The following KIAA1217 variants were observed in gnomAD, a reference collection of about 807,000 sequenced individuals.
KIAA1217 encodes the protein sickle tail protein homolog.
A neutral mutation model predicts 163.9 loss-of-function variants in KIAA1217; 88 were observed. The observed-to-expected ratio is 0.54, with a 90% CI of 0.45 to 0.64. The LOEUF (loss-of-function observed/expected upper bound fraction) is 0.64, where lower values mean the gene tolerates loss of function less well. Among genes scored for constraint, KIAA1217 ranks in the 30% least tolerant of loss-of-function variants. The pLI, the probability that KIAA1217 is intolerant of heterozygous loss-of-function variation, is 0.00. For missense variants in KIAA1217, 2,372 were observed against 2,475.0 expected, an observed-to-expected ratio of 0.96 and a Z score of 0.88; for synonymous variants, 903 against 923.1, an observed-to-expected ratio of 0.98 and a Z score of 0.39.
At chr10:24,038,953 A>G (rs910016693) in intron 2 of KIAA1217, among the ~76,000 whole-genome samples, 1 of 152,092 alleles carries the variant, frequency 6.6e-6, no homozygotes, top group Non-Finnish European at 1.5e-5. Context: ...CATGTTGGCC[A>G]GGCTGGTCTC....
intron 1 of KIAA1217, among the ~76,000 whole-genome samples, chr10:23,776,109 A>G (rs1834996908): frequency 6.6e-6 from 1 of 152,174 alleles, no homozygotes; most frequent in Admixed American, 6.5e-5. Flanking sequence ...GAGGAATTAC[A>G]TTGGATCAGT....
intron 2 of KIAA1217, among the ~76,000 whole-genome samples, chr10:24,138,191 T>C (rs1479397744): frequency 6.6e-6 from 1 of 152,194 alleles, no homozygotes; most frequent in Non-Finnish European, 1.5e-5. Flanking sequence ...TCTTTCTCTG[T>C]CACTCAGGCT....
chr10:24,312,426 G>A (rs2042820941), intron 2 of KIAA1217, among the ~76,000 whole-genome samples: 1 of 152,160 alleles, frequency 6.6e-6, no homozygotes, highest in Non-Finnish European at 1.5e-5. Context: ...GATCAGCCTG[G>A]GCAAGATGGT....
chr10:24,479,971 C>A (rs753916507), intron 6 of KIAA1217, among the ~76,000 whole-genome samples: 5 of 152,174 alleles, frequency 3.3e-5, no homozygotes, highest in Non-Finnish European at 7.3e-5. Flanking sequence ...TCCACTAGGC[C>A]CCACCTCCCA....
At chr10:23,709,783 T>TTA (rs1554775389) in intron 1 of KIAA1217, among the ~76,000 whole-genome samples, 8 of 152,270 alleles carry the variant, frequency 5.3e-5, no homozygotes, top group South Asian at 2.1e-4. Context: ...AACTCGGAGA[T>TTA]ACAAAGCCTA....
chr10:23,999,250 A>G (rs1390605744), intron 1 of KIAA1217, among the ~76,000 whole-genome samples: 1 of 152,206 alleles, frequency 6.6e-6, no homozygotes, highest in Non-Finnish European at 1.5e-5. Context: ...AACAGGGTGA[A>G]ACCTGTGTGT....
chr10:23,980,225 C>T (rs1340515721), intron 1 of KIAA1217, among the ~76,000 whole-genome samples: 5 of 152,166 alleles, frequency 3.3e-5, no homozygotes, highest in African/African-American at 1.2e-4. Flanking sequence ...CACTCTCAAA[C>T]ATGCTTGACT....
chr10:23,818,003 A>ATC (rs1837407986), intron 1 of KIAA1217, among the ~76,000 whole-genome samples: 1 of 127,418 alleles, frequency 7.8e-6, no homozygotes, highest in Non-Finnish European at 1.6e-5. Context: ...ATATATATAT[A>ATC]TATATACACA....
chr10:24,479,892 A>C (rs1037309841), intron 6 of KIAA1217, among the ~76,000 whole-genome samples: 2 of 152,198 alleles, frequency 1.3e-5, no homozygotes, highest in African/African-American at 4.8e-5. Flanking sequence ...GAGAGCAAGA[A>C]ATCACTCACT....
rs572330758 is a variant in KIAA1217, at chr10:23,975,425, C to G, written c.-320-31800C>G. The stretch of plus-strand genomic sequence containing the variant: ...CAGGAGCTTCTTCCAAATTTTTCTT[C>G]CTAACCTTCAAACTAAATGAGAAAC... On this transcript the variant is annotated intron_variant, in intron 1 of 18. Transcript: ENST00000376462. Among the ~76,000 whole-genome samples the G allele has an allele frequency of 3.3e-4, 51 of 152,296 alleles. No individual in the cohort carries two copies. The South Asian group carries it at 9.8e-3, about 29-fold the overall frequency.
intron 1 of KIAA1217, among the ~76,000 whole-genome samples, chr10:23,967,156 T>A (rs1232013035): frequency 2.0e-5 from 3 of 152,130 alleles, no homozygotes; most frequent in African/African-American, 7.2e-5. Flanking sequence ...TAGAAAATGA[T>A]AATCATAAAA....
intron 1 of KIAA1217, among the ~76,000 whole-genome samples, chr10:23,775,463 G>A (rs1041470394): frequency 6.6e-6 from 1 of 152,072 alleles, no homozygotes; most frequent in Non-Finnish European, 1.5e-5. Context: ...CTAAGTTGGA[G>A]GTGTCTCTTA....
At chr10:24,262,118 A>G (rs1024816296) in intron 2 of KIAA1217, among the ~76,000 whole-genome samples, 2 of 152,226 alleles carry the variant, frequency 1.3e-5, no homozygotes, top group Admixed American at 6.5e-5. Flanking sequence ...TTGTTATGGA[A>G]GAGAAAGCTA....
intron 2 of KIAA1217, among the ~76,000 whole-genome samples, chr10:24,076,264 A>G (rs1379957560): frequency 6.6e-6 from 1 of 152,230 alleles, no homozygotes; most frequent in Non-Finnish European, 1.5e-5. Context: ...CATGTTTAAT[A>G]CTGAACGCTC....
At chr10:24,002,163 C>T (rs1033883889) in intron 1 of KIAA1217, among the ~76,000 whole-genome samples, 9 of 152,136 alleles carry the variant, frequency 5.9e-5, no homozygotes, top group African/African-American at 2.2e-4. Context: ...TGAAGAGCCA[C>T]GGAAGGAGGG....
At chr10:24,432,481 G>A (rs1387253098) in intron 3 of KIAA1217, among the ~76,000 whole-genome samples, 1 of 149,246 alleles carries the variant, frequency 6.7e-6, no homozygotes, top group Admixed American at 6.7e-5. Context: ...TTTGAGTCAG[G>A]GTCTCACTCT....
At chr10:24,396,149 C>A (rs535001833) in intron 3 of KIAA1217, among the ~76,000 whole-genome samples, 1 of 151,940 alleles carries the variant, frequency 6.6e-6, no homozygotes, top group Non-Finnish European at 1.5e-5. Context: ...CCAGCCTGGC[C>A]AACATGGTGA....
intron 5 of KIAA1217, among the ~76,000 whole-genome samples, chr10:24,450,939 G>A (rs1023309142): frequency 2.0e-5 from 3 of 152,122 alleles, no homozygotes; most frequent in Admixed American, 6.5e-5. Flanking sequence ...AATATATAAT[G>A]TTTACGTGGC....
At chr10:24,125,101 G>A (rs1432890675) in intron 2 of KIAA1217, among the ~76,000 whole-genome samples, 12 of 151,942 alleles carry the variant, frequency 7.9e-5, no homozygotes, top group South Asian at 4.1e-4. Flanking sequence ...GTAAAACCCC[G>A]TCTCCACTAA....
Sources: gnomAD v4.1 joint callset for allele counts (sites outside exome capture counted in the v4.1 genomes callset) on GRCh38, gnomAD v4.1.1 for gene constraint, MANE v1.5 for transcripts, NCBI Gene and HGNC (gene_info 2026-07-23, HGNC 2026-07-21) for gene names.